The following NQO1 variants were observed in gnomAD, a reference collection of about 807,000 sequenced individuals.
NQO1 encodes NAD(P)H dehydrogenase [quinone] 1.
A neutral mutation model predicts 32.1 loss-of-function variants in NQO1; 30 were observed. The ratio of observed to expected loss-of-function variants is 0.94; its 90% CI spans 0.70 to 1.27. The LOEUF is 1.27. NQO1 is among the 50% of genes most tolerant of loss of function. The pLI is 0.00. For missense variants in NQO1, 276 were observed against 331.3 expected (o/e 0.83, Z 1.30); for synonymous variants, 109 against 119.7 (o/e 0.91, Z 0.59).
chr16:69,723,088 C>A (rs1224540100), intron 1 of NQO1, among the ~76,000 whole-genome samples: 3 of 152,052 alleles, frequency 2.0e-5, no homozygotes, highest in African/African-American at 7.2e-5. Context: ...CCGCCACGCC[C>A]GGCTAATTGT....
Position 69,710,970 on chromosome 16 carries a change from G to T in NQO1, c.*6C>A. On this transcript the variant is annotated 3_prime_UTR_variant, in exon 6 of 6. Transcript: ENST00000320623. ...CATGTTAGAAGGAAATCCAGGCTAAGGAATCTCATTTTCTAGCTTTGATCT... is the reference window on the plus strand; with the variant it reads ...CATGTTAGAAGGAAATCCAGGCTAATGAATCTCATTTTCTAGCTTTGATCT... 6.2e-7 allele frequency: 1 copy of T among 1,606,892 alleles called. No individual in the cohort carries two copies.
intron 1 of NQO1, 59 bp from the exon 2 acceptor site, chr16:69,718,593 G>C: frequency 1.9e-6 from 3 of 1,574,950 alleles, no homozygotes; most frequent in Non-Finnish European, 2.6e-6. Context: ...CAAACCTTCA[G>C]CTACAGGGGA....
chr16:69,718,260 A>G lies in NQO1; in HGVS notation c.173-7T>C. The G allele has an allele frequency of 3.1e-6, 5 of 1,613,928 alleles. No homozygotes were observed. The highest frequency in any genetic ancestry group is 4.2e-6 in the Non-Finnish European group (5 of 1,179,970). ...GCAGGGTCCTTCAGTTTACCTGCAG[A>G]GAAGAAAAAGAGAGGCTGGGGCCAG... On this transcript the variant is annotated splice_polypyrimidine_tract_variant and splice_region_variant and intron_variant, in intron 2 of 5. Coordinates refer to ENST00000320623, the MANE Select transcript of NQO1 (RefSeq NM_000903.3).
At chr16:69,723,859 G>A (rs1280522376) in intron 1 of NQO1, among the ~76,000 whole-genome samples, 1 of 152,128 alleles carries the variant, frequency 6.6e-6, no homozygotes, top group African/African-American at 2.4e-5. Flanking sequence ...TCTGGGCCCT[G>A]GAGGGTTCAT....
chr16:69,719,586 C>CAACATGGTGAAACCCTGT (rs1242506302), intron 1 of NQO1, among the ~76,000 whole-genome samples: 4 of 151,330 alleles, frequency 2.6e-5, no homozygotes, highest in Non-Finnish European at 4.4e-5. Context: ...CCATCCTGGC[C>CAACATGGTGAAACCCTGT]AACATGGTGA....
chr16:69,722,741 C>G (rs1385518524), intron 1 of NQO1, among the ~76,000 whole-genome samples: 7 of 152,072 alleles, frequency 4.6e-5, no homozygotes. Flanking sequence ...GATTGACTTG[C>G]TTGGGATAGC....
chr16:69,717,696 T>C (rs1396957070), intron 3 of NQO1, among the ~76,000 whole-genome samples: 1 of 151,290 alleles, frequency 6.6e-6, no homozygotes, highest in African/African-American at 2.4e-5. Context: ...CACTTCAACC[T>C]CCACCTCCCG....
At position 69,726,460 on chromosome 16, in the gene NQO1, C is replaced by T. The variant is rs754601023; in HGVS notation, c.-21G>A. On this transcript the variant is annotated 5_prime_UTR_variant, in exon 1 of 6. Transcript: ENST00000320623. ...ACCATGGCTCTGGTGCAGTCCGGGG[C>T]GCTGATTGGCTGGGCTCGTGGTTGC... The T allele has an allele frequency of 1.2e-6, 2 of 1,608,058 alleles. No homozygotes were observed. Among genetic ancestry groups the T allele is most frequent in the East Asian group, 4.5e-5 (2 of 44,704 alleles).
At chr16:69,711,851 A>G (rs1158722689) in intron 5 of NQO1, among the ~76,000 whole-genome samples, 2 of 151,844 alleles carry the variant, frequency 1.3e-5, no homozygotes, top group East Asian at 3.9e-4. Flanking sequence ...ACAGGGTTTC[A>G]CTGTGTTGAC....
At chr16:69,718,000 C>T in intron 3 of NQO1, 123 bp downstream of exon 3, 2 of 1,316,156 alleles carry the variant, frequency 1.5e-6, no homozygotes, top group African/African-American at 2.9e-5. Flanking sequence ...AAAGTAATCA[C>T]CCTTATTTGC....
intron 1 of NQO1, 85 bp from the exon 2 acceptor site, chr16:69,718,619 G>T (rs1212071214): frequency 1.4e-6 from 2 of 1,414,576 alleles, no homozygotes; most frequent in Non-Finnish European, 1.9e-6. Flanking sequence ...AGTCTGTAAA[G>T]GAGGGGGCGG....
intron 1 of NQO1, among the ~76,000 whole-genome samples, chr16:69,721,146 C>T (rs1231703017): frequency 1.3e-5 from 2 of 151,966 alleles, no homozygotes; most frequent in East Asian, 1.9e-4. Flanking sequence ...CTGCCTCAGC[C>T]TCCTACAATG....
intron 1 of NQO1, among the ~76,000 whole-genome samples, chr16:69,725,287 C>T (rs1279929096): frequency 6.6e-6 from 1 of 152,202 alleles, no homozygotes; most frequent in African/African-American, 2.4e-5. Flanking sequence ...AGAGGCAGGA[C>T]CAGGTCCACA....
intron 1 of NQO1, among the ~76,000 whole-genome samples, chr16:69,723,245 TC>T (rs1048768639): frequency 6.6e-6 from 1 of 152,080 alleles, no homozygotes; most frequent in African/African-American, 2.4e-5. Context: ...TTTATTGACT[TC>T]TCATCAATGT....
chr16:69,710,804 A>C lies in NQO1; in HGVS notation c.*172T>G. On this transcript the variant is annotated 3_prime_UTR_variant, in exon 6 of 6. Transcript: ENST00000320623. ...TTGGTTATATGCCATGATAGTAATC[A>C]TAAGAATCAGTTAAAAATGATCCAA... The C allele has an allele frequency of 2.7e-6, 2 of 747,782 alleles. No individual in the cohort carries two copies. The highest frequency in any genetic ancestry group is 4.2e-6 in the Non-Finnish European group (2 of 477,080). 46.3% of individuals were successfully genotyped at this position (747,782 alleles called of 1,614,324 possible).
intron 4 of NQO1, among the ~76,000 whole-genome samples, chr16:69,713,357 C>T (rs753730717): frequency 1.2e-4 from 18 of 152,198 alleles, no homozygotes; most frequent in Non-Finnish European, 2.5e-4. Context: ...TCCAAACCCC[C>T]ACATGTGGCT....
At chr16:69,713,223 A>C in intron 4 of NQO1, 94 bp from the exon 5 acceptor site, 1 of 921,690 alleles carries the variant, frequency 1.1e-6, no homozygotes, top group Non-Finnish European at 1.7e-6. Context: ...AAGAACACAC[A>C]AGTCTGTCCT....
chr16:69,717,301 A>G (rs1488049247), intron 3 of NQO1, among the ~76,000 whole-genome samples: 1 of 152,192 alleles, frequency 6.6e-6, no homozygotes, highest in African/African-American at 2.4e-5. Flanking sequence ...CTTCCCGAAG[A>G]AGAAAGGCCG....
rs141050014 is a variant in NQO1 at position 69,726,358 on chromosome 16, G to T, written c.7+75C>A. ...GTCAAGGAACAAAATTCAGGGCCAAGCCCCTACAACCTCCTCCACAGGCAC... is the reference window on the plus strand; with the variant it reads ...GTCAAGGAACAAAATTCAGGGCCAATCCCCTACAACCTCCTCCACAGGCAC... On this transcript the variant is annotated intron_variant, in intron 1 of 5. Coordinates refer to ENST00000320623, the MANE Select transcript of NQO1 (RefSeq NM_000903.3). 4,036 of 1,582,932 alleles carry T rather than the reference G, an allele frequency of 2.5e-3. 61 individuals are homozygous for T. The African/African-American group carries it at 0.039, about 15-fold the overall frequency.
Sources: gnomAD v4.1 joint callset for allele counts (sites outside exome capture counted in the v4.1 genomes callset) on GRCh38, gnomAD v4.1.1 for gene constraint, MANE v1.5 for transcripts, NCBI Gene and HGNC (gene_info 2026-07-23, HGNC 2026-07-21) for gene names.